Variants in TMEM181 observed in about 807,000 individuals in gnomAD.
The protein encoded by TMEM181 is G protein-coupled receptor 178.
In TMEM181, 39 loss-of-function variants were observed where a neutral mutation model predicts 71.9. The ratio of observed to expected loss-of-function variants is 0.54; its 90% CI spans 0.42 to 0.71. The LOEUF (loss-of-function observed/expected upper bound fraction) is 0.71. TMEM181 is among the 30% of genes least tolerant of loss of function. The pLI is 0.00. For synonymous variants in TMEM181, 245 were observed against 228.8 expected, an observed-to-expected ratio of 1.07 and a Z score of -0.64; for missense variants, 595 against 583.0, an observed-to-expected ratio of 1.02 and a Z score of -0.21.
In TMEM181 at chr6:158,620,166, C is replaced by T. The variant is rs925650635; in HGVS notation, c.897-3384C>T. Among the ~76,000 whole-genome samples, 11 of 152,120 alleles carry T rather than the reference C, an allele frequency of 7.2e-5. No homozygotes were observed. Among genetic ancestry groups the T allele is most frequent in the East Asian group, 5.8e-4 (3 of 5,174 alleles). ...TGAAGGAGACAGCCCAGAGGGGAGG[C>T]GTGGGAATGTGGGATGGTTTGGCAC... is the stretch of plus-strand genomic sequence containing the variant. On this transcript the variant is annotated intron_variant, in intron 10 of 16. Coordinates refer to ENST00000684151, the MANE Select transcript of TMEM181 (RefSeq NM_001376852.1). The surrounding 1 kb of genome is among the most constrained non-coding windows in gnomAD (Gnocchi z 4.5).
At chr6:158,580,759 T>G (rs533305962) in intron 2 of TMEM181, among the ~76,000 whole-genome samples, 181 bp from the exon 3 acceptor site, 1 of 152,310 alleles carries the variant, frequency 6.6e-6, no homozygotes, top group Non-Finnish European at 1.5e-5. Context: ...AGAGTGGATA[T>G]TCTGTGTCTG....
Position 158,608,434 on chromosome 6 carries a change from C to T in TMEM181, c.775C>T (p.Leu259=). 1 of 1,614,222 alleles carries T rather than the reference C, an allele frequency of 6.2e-7. No homozygotes were observed. The highest frequency in any genetic ancestry group is 1.7e-5 in the Admixed American group (1 of 60,030). The stretch of plus-strand genomic sequence containing the variant: ...CCTGTGCGCCCTGCTGCTCTTCTGG[C>T]TGTGCGTGTACCACGGGATTCGTGT... ...MFLCALLLFW[L]CVYHGIRVQG... The change falls in exon 9 of 17, where the codon CTG becomes TTG. Residue 259 remains leucine, a synonymous_variant. Coordinates refer to ENST00000684151, the MANE Select transcript of TMEM181 (RefSeq NM_001376852.1).
intron 1 of TMEM181, among the ~76,000 whole-genome samples, chr6:158,564,543 G>A (rs1330128553): frequency 6.6e-6 from 1 of 152,242 alleles, no homozygotes; most frequent in Admixed American, 6.5e-5. Flanking sequence ...AATCCAAAAT[G>A]CTTTCAAACA....
intron 4 of TMEM181, among the ~76,000 whole-genome samples, chr6:158,584,431 C>T (rs1582986074): frequency 1.3e-5 from 2 of 152,210 alleles, no homozygotes; most frequent in East Asian, 1.9e-4. Flanking sequence ...GGAGGGAGTG[C>T]TCCAGGCATC....
At chr6:158,600,309 C>T (rs999492841) in intron 6 of TMEM181, among the ~76,000 whole-genome samples, 3 of 151,748 alleles carry the variant, frequency 2.0e-5, no homozygotes, top group Middle Eastern at 3.4e-3. Flanking sequence ...TACAGACATG[C>T]GCCACCACGT....
intron 6 of TMEM181, among the ~76,000 whole-genome samples, chr6:158,590,591 G>A (rs1464332388): frequency 6.6e-6 from 1 of 152,184 alleles, no homozygotes; most frequent in Non-Finnish European, 1.5e-5. Context: ...AGCCTCCCAA[G>A]TAGCTGGGAT....
intron 8 of TMEM181, 29 bp downstream of exon 8, chr6:158,607,372 T>C (rs771789545): frequency 3.1e-6 from 5 of 1,603,426 alleles, no homozygotes; most frequent in Non-Finnish European, 4.3e-6. Context: ...ACTTAGGAAC[T>C]TTTCCCTTTA....
At chr6:158,579,347 A>G (rs534549139) in intron 2 of TMEM181, among the ~76,000 whole-genome samples, 3 of 152,192 alleles carry the variant, frequency 2.0e-5, no homozygotes, top group East Asian at 3.8e-4. Context: ...TGTGGAATCA[A>G]CCACAGTATC....
chr6:158,607,171 G>A (rs35956081), intron 7 of TMEM181, 73 bp from the exon 8 acceptor site: 181,018 of 1,245,220 alleles, frequency 0.15, 14,152 homozygotes, highest in Non-Finnish European at 0.15. Flanking sequence ...CTGGTATGCC[G>A]GCAAGGTGTG....
At chr6:158,571,811 C>A (rs1488538967) in intron 1 of TMEM181, among the ~76,000 whole-genome samples, 4 of 152,230 alleles carry the variant, frequency 2.6e-5, no homozygotes, top group Non-Finnish European at 5.9e-5. Context: ...GGCAGGGCTG[C>A]AGCATCTTGG....
intron 6 of TMEM181, among the ~76,000 whole-genome samples, chr6:158,595,995 C>T (rs1286606989): frequency 3.3e-5 from 5 of 152,148 alleles, no homozygotes; most frequent in Admixed American, 3.3e-4. Flanking sequence ...GATCTCGGCT[C>T]ACTGCAAGCT....
chr6:158,558,267 T>C (rs907761088), upstream of TMEM181, among the ~76,000 whole-genome samples: 3 of 152,368 alleles, frequency 2.0e-5, no homozygotes, highest in Admixed American at 1.3e-4. Flanking sequence ...AGGTAGATAC[T>C]GGCTGCCTCT....
chr6:158,629,101 C>G (rs151188758), intron 14 of TMEM181, among the ~76,000 whole-genome samples: 164 of 152,332 alleles, frequency 1.1e-3, no homozygotes, highest in African/African-American at 3.4e-3. Context: ...GAGCCCTGGC[C>G]TCGCCCAGAA....
At position 158,625,711 on chromosome 6, in the gene TMEM181, T is replaced by A. The variant is rs768071234; in HGVS notation, c.1066T>A (p.Leu356Met). The A allele has an allele frequency of 6.2e-7, 1 of 1,610,184 alleles. No individual in the cohort carries two copies. Among genetic ancestry groups the A allele is most frequent in the Middle Eastern group, 1.7e-4 (1 of 6,050 alleles). ...LRHMPYVDLR[L>M]KFLTALTFVV... The stretch of plus-strand genomic sequence containing the variant: ...GTTTCTTTCTTTTTCAGATCTCAGG[T>A]TGAAATTTTTGACTGCATTGACTTT... Residue 356 changes from leucine to methionine, a missense_variant, in exon 13 of 17, where the codon TTG (leucine) becomes ATG (methionine). Physicochemically the swap from Leu to Met is conservative, Grantham distance 15 (BLOSUM62 2). Coordinates refer to ENST00000684151, the MANE Select transcript of TMEM181 (RefSeq NM_001376852.1).
intron 11 of TMEM181, among the ~76,000 whole-genome samples, chr6:158,624,327 A>G (rs114093553): frequency 0.13 from 20,333 of 152,208 alleles, 1,513 homozygotes; most frequent in Middle Eastern, 0.2. Context: ...AAAGTCACTT[A>G]GGTGCTTTTG....
At chr6:158,595,580 T>C (rs2128308599) in intron 6 of TMEM181, among the ~76,000 whole-genome samples, 1 of 152,360 alleles carries the variant, frequency 6.6e-6, no homozygotes, top group South Asian at 2.1e-4. Context: ...ATTCATATAA[T>C]GGAATACTAT....
intron 3 of TMEM181, among the ~76,000 whole-genome samples, chr6:158,583,527 C>T (rs574682428): frequency 3.9e-5 from 6 of 152,140 alleles, no homozygotes; most frequent in Non-Finnish European, 7.3e-5. Flanking sequence ...CATGGCCGGG[C>T]GCAGTGGCTA....
chr6:158,540,199 C>T (rs1455369915), intron 1 of TMEM181, among the ~76,000 whole-genome samples: 2 of 152,188 alleles, frequency 1.3e-5, no homozygotes, highest in East Asian at 3.9e-4. Flanking sequence ...ACAGAAAACT[C>T]CTTGAATCTC....
rs148341499 is a variant in TMEM181 at position 158,539,575 on chromosome 6, C to T, written c.131+2710C>T. Reference sequence around the variant, plus strand: ...GGTTGGCAGTTTTCTCATAACAGGGCGAAGCAAAGAACACAGCTGCTAAAG... The same window carrying T: ...GGTTGGCAGTTTTCTCATAACAGGGTGAAGCAAAGAACACAGCTGCTAAAG... On this transcript the variant is annotated intron_variant, in intron 1 of 16. Coordinates refer to the TMEM181 transcript ENST00000367090. Among the ~76,000 whole-genome samples the T allele has an allele frequency of 9.8e-4, 149 of 152,270 alleles. 1 individual carries two copies. The highest frequency in any genetic ancestry group is 1.5e-3 in the South Asian group (7 of 4,820).
Sources: allele counts gnomAD v4.1 joint callset (sites outside exome capture counted in the v4.1 genomes callset), GRCh38; gene constraint gnomAD v4.1.1; non-coding constraint Gnocchi (gnomAD v3.1); transcripts MANE v1.5; gene names NCBI Gene and HGNC (gene_info 2026-07-23, HGNC 2026-07-21).